TSHZ2: variants seen among roughly 807,000 people sequenced by gnomAD.
TSHZ2 encodes teashirt zinc finger homeobox 2, also known as teashirt homolog 2.
In TSHZ2, 21 loss-of-function variants were observed where a neutral mutation model predicts 74.4. The ratio of observed to expected loss-of-function variants is 0.28; its 90% CI spans 0.20 to 0.41. The LOEUF (loss-of-function observed/expected upper bound fraction) is 0.41, where lower values mean the gene tolerates loss of function less well. Ranked by LOEUF, TSHZ2 falls within the 10% of genes least tolerant of loss-of-function variation. The pLI, the probability that TSHZ2 is intolerant of heterozygous loss-of-function variation, is 1.00. For synonymous variants in TSHZ2, 540 were observed against 515.3 expected (o/e 1.05, Z -0.65); for missense variants, 1,244 against 1,293.5 (o/e 0.96, Z 0.59).
intron 1 of TSHZ2, among the ~76,000 whole-genome samples, chr20:53,100,245 C>A (rs1312495713): frequency 6.6e-6 from 1 of 152,108 alleles, no homozygotes; most frequent in Non-Finnish European, 1.5e-5. Flanking sequence ...TATTTGCAAA[C>A]GGCCTCAACC....
chr20:53,008,959 T>G (rs2122990424), intron 1 of TSHZ2, among the ~76,000 whole-genome samples: 1 of 150,784 alleles, frequency 6.6e-6, no homozygotes, highest in African/African-American at 2.4e-5. Context: ...CTAGTAGAAG[T>G]TATTTGAATG....
chr20:53,443,622 C>T (rs965975934), intron 2 of TSHZ2, among the ~76,000 whole-genome samples: 1 of 152,190 alleles, frequency 6.6e-6, no homozygotes, highest in Non-Finnish European at 1.5e-5. Context: ...GCTCAAATGT[C>T]ATTCTAAGGC....
chr20:53,155,065 T>G (rs1190454967), intron 1 of TSHZ2, among the ~76,000 whole-genome samples: 2 of 151,294 alleles, frequency 1.3e-5, no homozygotes, highest in African/African-American at 2.4e-5. Flanking sequence ...TTTTTTTTTT[T>G]TTTTTTTTTT....
Position 53,378,296 on chromosome 20 carries a change from C to T in TSHZ2, c.*9-108848C>T, listed in dbSNP as rs943703574. 1.7e-4 allele frequency among the ~76,000 whole-genome samples: 26 copies of T among 150,146 alleles called. No individual in the cohort carries two copies. The East Asian group carries it at 2.4e-3, about 14-fold the overall frequency. ...CAGGGGCTGTTGTGAGCCAAGATTG[C>T]GCCACTACACTCCAGCCTGGGCGAC... On this transcript the variant is annotated intron_variant, in intron 2 of 2. Coordinates refer to ENST00000371497, the MANE Select transcript of TSHZ2 (RefSeq NM_173485.6).
At chr20:53,285,893 A>G (rs577024469) in intron 2 of TSHZ2, among the ~76,000 whole-genome samples, 17 of 152,210 alleles carry the variant, frequency 1.1e-4, no homozygotes, top group Non-Finnish European at 2.4e-4. Flanking sequence ...AATATCTACT[A>G]TATGCCAGAA....
chr20:52,984,589 G>A (rs1981684522), intron 1 of TSHZ2, among the ~76,000 whole-genome samples: 2 of 152,264 alleles, frequency 1.3e-5, no homozygotes, highest in Admixed American at 6.5e-5. Flanking sequence ...AGCAGGGAGG[G>A]TAAAGATAAG....
At chr20:53,176,398 A>G (rs1291567631) in intron 1 of TSHZ2, among the ~76,000 whole-genome samples, 8 of 152,148 alleles carry the variant, frequency 5.3e-5, no homozygotes, top group Non-Finnish European at 1.5e-5. Context: ...GGCTTAGCTC[A>G]CCTCATTCCC....
At chr20:53,079,146 G>C (rs1184736051) in intron 1 of TSHZ2, among the ~76,000 whole-genome samples, 1 of 152,174 alleles carries the variant, frequency 6.6e-6, no homozygotes, top group Non-Finnish European at 1.5e-5. Flanking sequence ...AAGTAATAGA[G>C]AAGAGAGTGT....
intron 2 of TSHZ2, among the ~76,000 whole-genome samples, chr20:53,402,124 G>A (rs1042043585): frequency 4.6e-5 from 7 of 152,218 alleles, no homozygotes; most frequent in Admixed American, 3.3e-4. Context: ...ATGGACATTT[G>A]GGCTGGTCTA....
chr20:53,038,026 G>C (rs1257005748), intron 1 of TSHZ2, among the ~76,000 whole-genome samples: 2 of 151,808 alleles, frequency 1.3e-5, no homozygotes, highest in Non-Finnish European at 2.9e-5. Flanking sequence ...TGGACAGCGT[G>C]TTTAGTGTAC....
At chr20:53,058,340 A>G (rs1984710654) in intron 1 of TSHZ2, among the ~76,000 whole-genome samples, 1 of 152,232 alleles carries the variant, frequency 6.6e-6, no homozygotes, top group South Asian at 2.1e-4. Context: ...GCCTGTCAAA[A>G]CACAGCCAAT....
intron 1 of TSHZ2, among the ~76,000 whole-genome samples, chr20:53,050,124 T>TATATATATACACAC (rs1409158633): frequency 9.3e-6 from 1 of 107,234 alleles, no homozygotes; most frequent in African/African-American, 6.4e-5. Context: ...TATATATATA[T>TATATATATACACAC]ACACATATAT....
At chr20:53,243,146 A>C (rs1312262724) in intron 1 of TSHZ2, among the ~76,000 whole-genome samples, 1 of 152,130 alleles carries the variant, frequency 6.6e-6, no homozygotes, top group Non-Finnish European at 1.5e-5. Flanking sequence ...AATTAGACTA[A>C]AAGGAAAGAC....
In TSHZ2 at chr20:52,973,194, G is replaced by C; in HGVS notation, c.-100G>C. On this transcript the variant is annotated 5_prime_UTR_variant, in exon 1 of 3. Coordinates refer to ENST00000371497, the MANE Select transcript of TSHZ2 (RefSeq NM_173485.6). ...CGAGTGACGTCCTAGGAGCCACCGG[G>C]CAAGAGGCGGAGGAGACCCAGAGAG... The C allele has an allele frequency of 6.7e-7, 1 of 1,485,894 alleles. No homozygotes were observed. 92.0% of individuals were successfully genotyped at this position (1,485,894 alleles called of 1,614,324 possible). A position where few individuals can be genotyped will look rare whatever the true frequency, so the allele number is the denominator to read the frequency against.
chr20:53,034,882 C>T (rs976139721), intron 1 of TSHZ2, among the ~76,000 whole-genome samples: 8 of 152,172 alleles, frequency 5.3e-5, no homozygotes, highest in East Asian at 3.8e-4. Context: ...GTGATGGAAA[C>T]GATTGGCAGG....
In TSHZ2 at chr20:53,465,767, A is replaced by T. The variant is rs929075670; in HGVS notation, c.*9-21377A>T. ...AGGGACTATTATAACAATTAAATAA[A>T]ACAATAGCAGTCAAGCTTCAGGCAA... On this transcript the variant is annotated intron_variant, in intron 2 of 2. Coordinates refer to ENST00000371497, the MANE Select transcript of TSHZ2 (RefSeq NM_173485.6). Among the ~76,000 whole-genome samples, 5 of 152,280 alleles carry T rather than the reference A, an allele frequency of 3.3e-5. No homozygotes were observed. In the South Asian group the frequency reaches 1.0e-3, roughly 32 times the overall value.
intron 2 of TSHZ2, among the ~76,000 whole-genome samples, chr20:53,327,444 G>A (rs1290578787): frequency 6.6e-6 from 1 of 152,176 alleles, no homozygotes; most frequent in Non-Finnish European, 1.5e-5. Context: ...AGCCAAAATG[G>A]CGCCATTGCA....
chr20:53,087,532 C>T (rs993680843), intron 1 of TSHZ2, among the ~76,000 whole-genome samples: 2 of 152,174 alleles, frequency 1.3e-5, no homozygotes, highest in Non-Finnish European at 2.9e-5. Flanking sequence ...TTAATTGCCT[C>T]GTGGGTGTCT....
chr20:52,987,052 A>G (rs1981793943), intron 1 of TSHZ2, among the ~76,000 whole-genome samples: 1 of 152,002 alleles, frequency 6.6e-6, no homozygotes, highest in Non-Finnish European at 1.5e-5. Context: ...CTGTCAAGAA[A>G]CCCCCAGAAG....
Sources: allele counts gnomAD v4.1 joint callset (sites outside exome capture counted in the v4.1 genomes callset), GRCh38; gene constraint gnomAD v4.1.1; transcripts MANE v1.5; gene names NCBI Gene and HGNC (gene_info 2026-07-23, HGNC 2026-07-21).